The following DGLUCY variants were observed in gnomAD, a reference collection of about 807,000 sequenced individuals.
DGLUCY encodes the protein D-glutamate cyclase.
DGLUCY carries 58 observed loss-of-function variants against 58.5 expected under a neutral mutation model. The observed-to-expected ratio is 0.99, with a 90% confidence interval of 0.80 to 1.23. DGLUCY has a LOEUF of 1.23. DGLUCY is among the 50% of genes most tolerant of loss of function. DGLUCY has a pLI of 0.00. For synonymous variants in DGLUCY, 325 were observed against 314.1 expected, an observed-to-expected ratio of 1.03 and a Z score of -0.37; for missense variants, 779 against 784.7, an observed-to-expected ratio of 0.99 and a Z score of 0.09.
intron 1 of DGLUCY, among the ~76,000 whole-genome samples, chr14:91,102,828 C>G (rs996277411): frequency 3.3e-5 from 5 of 150,712 alleles, no homozygotes; most frequent in African/African-American, 4.9e-5. Context: ...GTGGCGTGAT[C>G]TCGGTTCACT....
intron 1 of DGLUCY, among the ~76,000 whole-genome samples, chr14:91,154,207 C>T (rs1362192174): frequency 6.6e-6 from 1 of 152,154 alleles, no homozygotes; most frequent in Non-Finnish European, 1.5e-5. Flanking sequence ...TGCCTGGCCA[C>T]AGCTTGGTTT....
intron 1 of DGLUCY, among the ~76,000 whole-genome samples, chr14:91,144,376 A>G (rs962677785): frequency 1.3e-5 from 2 of 152,168 alleles, no homozygotes; most frequent in African/African-American, 4.8e-5. Flanking sequence ...CCTGACCAAT[A>G]TGGTGAAACC....
intron 1 of DGLUCY, among the ~76,000 whole-genome samples, chr14:91,102,743 ATGTG>A (rs548653144): frequency 0.022 from 2,822 of 130,654 alleles, 86 homozygotes; most frequent in African/African-American, 0.067. Flanking sequence ...TCCAGTGTGT[ATGTG>A]TGTGTGTGTG....
intron 11 of DGLUCY, among the ~76,000 whole-genome samples, chr14:91,201,132 A>C (rs961238856): frequency 6.6e-6 from 1 of 152,132 alleles, no homozygotes; most frequent in Non-Finnish European, 1.5e-5. Context: ...TCAATTGATC[A>C]GTTAGGGTAG....
intron 6 of DGLUCY, among the ~76,000 whole-genome samples, chr14:91,174,495 G>A (rs1043654887): frequency 6.6e-6 from 1 of 151,992 alleles, no homozygotes; most frequent in Non-Finnish European, 1.5e-5. Context: ...TAGTAGAGAT[G>A]GGGTTTTGCC....
chr14:91,111,966 C>G (rs1273114379), upstream of DGLUCY, among the ~76,000 whole-genome samples: 1 of 152,058 alleles, frequency 6.6e-6, no homozygotes, highest in African/African-American at 2.4e-5. Context: ...GGCCTGGCAC[C>G]GTGGCTCACG....
In DGLUCY at chr14:91,087,814, G is replaced by T. The variant is rs192134394; in HGVS notation, c.-82+27110G>T. Among the ~76,000 whole-genome samples, 12 of 152,300 alleles carry T rather than the reference G, an allele frequency of 7.9e-5. No individual in the cohort carries two copies. In the East Asian group the frequency reaches 2.1e-3, roughly 27 times the overall value. On this transcript the variant is annotated intron_variant, in intron 1 of 4. Coordinates refer to the DGLUCY transcript ENST00000521334. ...GTGTACTCTCGTGACAAAACTACTG[G>T]CAAGTGTACCCCTTCTGCAGAAAGT...
intron 1 of DGLUCY, among the ~76,000 whole-genome samples, chr14:91,062,600 TATATATATATAA>T (rs1262815418): frequency 0.026 from 886 of 33,568 alleles, 82 homozygotes; most frequent in South Asian, 0.044. Context: ...TATATATATA[TATATATATATAA>T]ACAATCCTTA....
chr14:91,136,084 G>A (rs1287198168), intron 1 of DGLUCY, among the ~76,000 whole-genome samples: 7 of 151,586 alleles, frequency 4.6e-5, no homozygotes, highest in Admixed American at 2.6e-4. Context: ...ACAGGGGCCC[G>A]CCACTATGCC....
intron 7 of DGLUCY, among the ~76,000 whole-genome samples, chr14:91,180,649 C>T (rs1293039299): frequency 6.6e-6 from 1 of 151,644 alleles, no homozygotes; most frequent in Non-Finnish European, 1.5e-5. Context: ...AAAACCAGTT[C>T]TTAATAACTA....
At chr14:91,178,228 C>T (rs958150048) in intron 7 of DGLUCY, among the ~76,000 whole-genome samples, 1 of 151,912 alleles carries the variant, frequency 6.6e-6, no homozygotes, top group Non-Finnish European at 1.5e-5. Context: ...TGCAGTGGCA[C>T]GATCACAGCT....
intron 6 of DGLUCY, chr14:91,175,725 AACC>A: frequency 2.1e-6 from 1 of 471,802 alleles, no homozygotes; most frequent in Non-Finnish European, 3.8e-6. Flanking sequence ...TGTTTTCTGA[AACC>A]ACCATGCCAC....
intron 1 of DGLUCY, among the ~76,000 whole-genome samples, chr14:91,077,689 T>C (rs1595614648): frequency 6.8e-6 from 1 of 147,436 alleles, no homozygotes; most frequent in African/African-American, 2.5e-5. Context: ...GAGGCGGAGG[T>C]TGCAGTGAGC....
At chr14:91,157,500 C>T (rs1281824364) in intron 1 of DGLUCY, 139 bp from the exon 2 acceptor site, 2 of 152,168 alleles carry the variant, frequency 1.3e-5, no homozygotes, top group African/African-American at 2.4e-5. Context: ...GACAAACTAA[C>T]AGATGATGTA....
chr14:91,106,706 C>CAA (rs35463102), upstream of DGLUCY, among the ~76,000 whole-genome samples: 2,935 of 138,760 alleles, frequency 0.021, 36 homozygotes, highest in Middle Eastern at 0.03. Context: ...GACTCTGTCT[C>CAA]AAAAAAAAAA....
At chr14:91,115,624 A>G (rs1391597895) in intron 1 of DGLUCY, among the ~76,000 whole-genome samples, 2 of 152,126 alleles carry the variant, frequency 1.3e-5, no homozygotes, top group Non-Finnish European at 2.9e-5. Flanking sequence ...GGGTTTTGCC[A>G]TGTTAGCCAG....
chr14:91,199,676 G>A lies in DGLUCY; in HGVS notation c.1296-81G>A, dbSNP rs141794596. 7.2e-4 allele frequency: 1,077 copies of A among 1,488,878 alleles called. 8 individuals are homozygous for A. The African/African-American group carries it at 0.013, about 18-fold the overall frequency. The allele number at this position is 1,488,878 out of a possible 1,614,324, so 92.2% of individuals were successfully genotyped here. ...AAAGAAAAAAAGAAGCGTCTTTCGC[G>A]CAAACACAAGAAGGCATGACCCAGC... On this transcript the variant is annotated intron_variant, in intron 10 of 13. Transcript: ENST00000256324.
chr14:91,180,992 A>G (rs1258423328), intron 7 of DGLUCY, among the ~76,000 whole-genome samples, 194 bp from the exon 8 acceptor site: 1 of 152,238 alleles, frequency 6.6e-6, no homozygotes, highest in East Asian at 1.9e-4. Context: ...TAGAGATTAG[A>G]GGCAACTGTT....
At position 91,181,315 on chromosome 14, in the gene DGLUCY, T is replaced by C; in HGVS notation, c.860T>C (p.Leu287Pro). The change falls in exon 8 of 14, where the codon CTG (leucine) becomes CCG (proline). Residue 287 changes from leucine to proline, a missense_variant. By Grantham distance (98) the Leu-to-Pro change is moderately conservative. Transcript: ENST00000256324. ...GTCCATCACATTTCCCAAGATCCTC[T>C]GCACTACAGCATCGCGTCAGTCTCT... ...PEVHHISQDP[L>P]HYSIASVSAS... The C allele has an allele frequency of 6.2e-7, 1 of 1,614,210 alleles. No homozygotes were observed. Among genetic ancestry groups the C allele is most frequent in the Non-Finnish European group, 8.5e-7 (1 of 1,180,044 alleles).
Sources: allele counts gnomAD v4.1 joint callset (sites outside exome capture counted in the v4.1 genomes callset), GRCh38; gene constraint gnomAD v4.1.1; transcripts MANE v1.5; gene names NCBI Gene and HGNC (gene_info 2026-07-23, HGNC 2026-07-21).